Variants in SHPRH observed in about 807,000 individuals in gnomAD.
SHPRH encodes E3 ubiquitin-protein ligase SHPRH.
In SHPRH, 106 loss-of-function variants were observed where a neutral mutation model predicts 202.5. The observed-to-expected ratio is 0.52, with a 90% CI of 0.45 to 0.62. The LOEUF (loss-of-function observed/expected upper bound fraction) is 0.62, where lower values mean the gene tolerates loss of function less well. SHPRH is among the 20% of genes least tolerant of loss of function. The pLI is 0.00. For synonymous variants in SHPRH, 729 were observed against 686.0 expected, an observed-to-expected ratio of 1.06 and a Z score of -0.98; for missense variants, 1,710 against 2,020.0, an observed-to-expected ratio of 0.85 and a Z score of 2.94.
At chr6:145,918,300 A>G in intron 22 of SHPRH, 68 bp from the exon 23 acceptor site, 4 of 1,004,822 alleles carry the variant, frequency 4.0e-6, no homozygotes, top group Non-Finnish European at 5.5e-6. Flanking sequence ...TTAAATATGG[A>G]CAATTCTCCA....
chr6:145,923,708 C>T lies in SHPRH; in HGVS notation c.3480G>A (p.Gln1160=), dbSNP rs1247830255. The change falls in exon 18 of 30, where the codon CAG becomes CAA. Residue 1160 remains glutamine (Q), a synonymous_variant. Coordinates refer to ENST00000275233, the MANE Select transcript of SHPRH (RefSeq NM_001042683.3). ...IEFTIDEELV[Q]RVRNEITSNY... is the part of the protein sequence containing the mutation. ...TGCTGGTTATTTCATTTCGCACTCG[C>T]TGAACTAGCTCCTCATCAATAGTAA... The T allele has an allele frequency of 1.2e-6, 2 of 1,612,062 alleles. No individual in the cohort carries two copies. The highest frequency in any genetic ancestry group is 2.2e-5 in the South Asian group (2 of 90,958).
intron 8 of SHPRH, among the ~76,000 whole-genome samples, chr6:145,944,069 T>C (rs1474933855): frequency 1.3e-5 from 2 of 152,156 alleles, no homozygotes; most frequent in African/African-American, 4.8e-5. Flanking sequence ...GATATTTTGT[T>C]ATTTACCTAC....
intron 23 of SHPRH, 45 bp downstream of exon 23, chr6:145,918,086 T>C: frequency 6.8e-7 from 1 of 1,472,726 alleles, no homozygotes; most frequent in Admixed American, 1.9e-5. Context: ...AAGTGGTTTA[T>C]GATAATGCAG....
intron 21 of SHPRH, among the ~76,000 whole-genome samples, chr6:145,920,390 T>C (rs1359262227): frequency 6.6e-6 from 1 of 152,140 alleles, no homozygotes; most frequent in Admixed American, 6.6e-5. Context: ...TGCTTTGTAT[T>C]CACATGAGTA....
intron 11 of SHPRH, 120 bp downstream of exon 11, chr6:145,940,603 T>C: frequency 1.1e-6 from 1 of 918,446 alleles, no homozygotes; most frequent in Non-Finnish European, 1.6e-6. Flanking sequence ...GAGTCAACTA[T>C]AAAGACATGA....
chr6:145,939,163 T>C (rs1786455055), intron 11 of SHPRH, among the ~76,000 whole-genome samples: 1 of 151,738 alleles, frequency 6.6e-6, no homozygotes, highest in African/African-American at 2.4e-5. Flanking sequence ...GTGTGACAAC[T>C]AGAAAAAAAA....
chr6:145,888,221 G>A, intron 28 of SHPRH, 121 bp from the exon 29 acceptor site: 1 of 646,340 alleles, frequency 1.5e-6, no homozygotes, highest in Middle Eastern at 4.1e-4. Flanking sequence ...GCAGGTGCTG[G>A]GAGGGGTTCA....
At chr6:145,916,211 T>C (rs1336483278) in intron 23 of SHPRH, among the ~76,000 whole-genome samples, 1 of 152,108 alleles carries the variant, frequency 6.6e-6, no homozygotes, top group Non-Finnish European at 1.5e-5. Context: ...GTTCATCTTA[T>C]GTTGTCCAGT....
At chr6:145,949,729 A>C (rs1162343542) in intron 4 of SHPRH, among the ~76,000 whole-genome samples, 2 of 152,114 alleles carry the variant, frequency 1.3e-5, no homozygotes, top group African/African-American at 2.4e-5. Context: ...TTATTGAAAA[A>C]AGACAGCAAT....
chr6:145,935,922 A>G (rs1195012807), intron 11 of SHPRH: 5 of 153,052 alleles, frequency 3.3e-5, no homozygotes, highest in African/African-American at 1.2e-4. Flanking sequence ...AAGAAGCCTA[A>G]GAGAGTAATA....
intron 25 of SHPRH, among the ~76,000 whole-genome samples, chr6:145,896,185 G>A (rs1024690214): frequency 7.2e-5 from 11 of 152,028 alleles, no homozygotes; most frequent in Admixed American, 2.6e-4. Context: ...CTAAAATCAT[G>A]ATTCTACACT....
chr6:145,930,571 T>C (rs1193431151), intron 14 of SHPRH, among the ~76,000 whole-genome samples: 2 of 152,206 alleles, frequency 1.3e-5, no homozygotes, highest in Non-Finnish European at 2.9e-5. Flanking sequence ...TATCTACCAC[T>C]GTGGGCATAG....
Position 145,948,805 on chromosome 6 carries a change from G to A in SHPRH, c.983-455C>T, listed in dbSNP as rs1045134185. 6.6e-5 allele frequency among the ~76,000 whole-genome samples: 10 copies of A among 152,144 alleles called. 1 individual carries two copies. The South Asian group carries it at 1.9e-3, about 28-fold the overall frequency. ...CCTGACCTCTTCTACGGGTCTGAGA[G>A]TGGGAAGAAAGGCTTACTTAACTGG... On this transcript the variant is annotated intron_variant, in intron 4 of 29. Transcript: ENST00000275233.
chr6:145,941,967 A>C (rs1786830423), intron 9 of SHPRH, 93 bp from the exon 10 acceptor site: 5 of 1,453,712 alleles, frequency 3.4e-6, no homozygotes, highest in African/African-American at 2.8e-5. Flanking sequence ...AGTCCTCTCT[A>C]TTTTCTTAGG....
rs1452020286 is a variant in SHPRH, at chr6:145,907,133, TATG to T, written c.4515+3312_4515+3314del. 2.6e-5 allele frequency: 4 copies of T among 152,256 alleles called. No individual in the cohort carries two copies. The East Asian group carries it at 5.8e-4, about 22-fold the overall frequency. The allele number at this position is 152,256 out of a possible 1,614,324, so 9.4% of individuals were successfully genotyped here. On this transcript the variant is annotated intron_variant, in intron 25 of 29. Coordinates refer to ENST00000275233, the MANE Select transcript of SHPRH (RefSeq NM_001042683.3). ...ACTTGGATGTCTTAGGCACCTTAAATATGATATGTCTAAATGTATTCCTCTTCC... is the reference window on the plus strand; with the variant it reads ...ACTTGGATGTCTTAGGCACCTTAAATATATGTCTAAATGTATTCCTCTTCC...
chr6:145,940,641 A>G, intron 11 of SHPRH, 82 bp downstream of exon 11: 2 of 1,359,004 alleles, frequency 1.5e-6, no homozygotes, highest in East Asian at 4.7e-5. Context: ...GACTGCAGCA[A>G]AGGTTAAGCA....
At chr6:145,914,737 G>T (rs1227391654) in intron 23 of SHPRH, among the ~76,000 whole-genome samples, 6 of 152,082 alleles carry the variant, frequency 3.9e-5, no homozygotes, top group Admixed American at 3.9e-4. Context: ...GGGTTATTCA[G>T]AAGTATCCTG....
rs1199718488 is a variant in SHPRH at position 145,933,050 on chromosome 6, C to T, written c.3112+7G>A. On this transcript the variant is annotated splice_region_variant and intron_variant, in intron 14 of 29. Transcript: ENST00000275233. Reference sequence around the variant, plus strand: ...AAAGAATCAGAGATAAAGCAATCACCTTCTACCTTTAATAATATGAATGCC... The same window carrying T: ...AAAGAATCAGAGATAAAGCAATCACTTTCTACCTTTAATAATATGAATGCC... 1.2e-6 allele frequency: 2 copies of T among 1,613,108 alleles called. No individual in the cohort carries two copies. The highest frequency in any genetic ancestry group is 8.5e-7 in the Non-Finnish European group (1 of 1,179,520).
intron 23 of SHPRH, among the ~76,000 whole-genome samples, chr6:145,915,503 T>C (rs537349436): frequency 6.6e-6 from 1 of 152,130 alleles, no homozygotes; most frequent in Admixed American, 6.5e-5. Context: ...TTTATGTTTG[T>C]CTGAAAATAT....
Sources: gnomAD v4.1 joint callset for allele counts (sites outside exome capture counted in the v4.1 genomes callset) on GRCh38, gnomAD v4.1.1 for gene constraint, MANE v1.5 for transcripts, NCBI Gene and HGNC (gene_info 2026-07-23, HGNC 2026-07-21) for gene names.